The following CPEB3 variants were observed in gnomAD, a reference collection of about 807,000 sequenced individuals.
The protein encoded by CPEB3 is cytoplasmic polyadenylation element-binding protein 3.
In CPEB3, 20 loss-of-function variants were observed where a neutral mutation model predicts 67.2. The ratio of observed to expected loss-of-function variants is 0.30; its 90% CI spans 0.21 to 0.43. The LOEUF (loss-of-function observed/expected upper bound fraction) is 0.43, where lower values mean the gene tolerates loss of function less well. Ranked by LOEUF, CPEB3 falls within the 20% of genes least tolerant of loss-of-function variation. The pLI, the probability that CPEB3 is intolerant of heterozygous loss-of-function variation, is 1.00. For missense variants in CPEB3, 746 were observed against 968.6 expected (o/e 0.77, Z 3.05); for synonymous variants, 376 against 393.1 (o/e 0.96, Z 0.51).
At chr10:92,184,379 C>A (rs965609030) in intron 3 of CPEB3, among the ~76,000 whole-genome samples, 5 of 152,216 alleles carry the variant, frequency 3.3e-5, no homozygotes, top group Middle Eastern at 6.8e-3. Flanking sequence ...CCGAGGCAGT[C>A]GGATCAAGAG....
intron 1 of CPEB3, among the ~76,000 whole-genome samples, chr10:92,266,769 C>T (rs1012764266): frequency 3.3e-5 from 5 of 152,148 alleles, no homozygotes; most frequent in Non-Finnish European, 5.9e-5. Context: ...CACGGTGGCT[C>T]ACGCCTGTAA....
At chr10:92,175,798 A>G (rs1351996967) in intron 4 of CPEB3, among the ~76,000 whole-genome samples, 1 of 152,076 alleles carries the variant, frequency 6.6e-6, no homozygotes, top group Non-Finnish European at 1.5e-5. Context: ...GAAAGCACCT[A>G]TCTAAACGTG....
intron 1 of CPEB3, among the ~76,000 whole-genome samples, chr10:92,270,741 CT>C (rs112449876): frequency 6.7e-6 from 1 of 148,972 alleles, no homozygotes; most frequent in East Asian, 2.0e-4. Context: ...TTCTGGGGTG[CT>C]TTTTTTTTGT....
intron 6 of CPEB3, chr10:92,137,376 C>T (rs1312712884): frequency 2.7e-6 from 3 of 1,103,122 alleles, no homozygotes; most frequent in Non-Finnish European, 3.8e-6. Flanking sequence ...CTCCCAAATA[C>T]ATCAAGATGT....
intron 6 of CPEB3, among the ~76,000 whole-genome samples, chr10:92,121,299 C>T (rs754294876): frequency 1.9e-4 from 29 of 150,274 alleles, no homozygotes; most frequent in Non-Finnish European, 3.4e-4. Flanking sequence ...TGAGCCACCA[C>T]GCCCGGTCTA....
At chr10:92,217,241 A>ATC (rs1850470084) in intron 2 of CPEB3, among the ~76,000 whole-genome samples, 2 of 133,012 alleles carry the variant, frequency 1.5e-5, no homozygotes, top group African/African-American at 6.4e-5. Context: ...AAAATTATAT[A>ATC]TATATATACA....
At chr10:92,203,091 G>A (rs1849594209) in intron 2 of CPEB3, among the ~76,000 whole-genome samples, 1 of 151,186 alleles carries the variant, frequency 6.6e-6, no homozygotes, top group Non-Finnish European at 1.5e-5. Context: ...ACAGGCACGT[G>A]CCACAAAGCC....
intron 1 of CPEB3, among the ~76,000 whole-genome samples, chr10:92,287,711 T>C (rs989476652): frequency 6.6e-6 from 1 of 152,200 alleles, no homozygotes; most frequent in Admixed American, 6.5e-5. Context: ...CTTTTAAGTG[T>C]ACAATGGGTT....
At chr10:92,079,773 T>C (rs1459953983) in intron 9 of CPEB3, among the ~76,000 whole-genome samples, 1 of 152,210 alleles carries the variant, frequency 6.6e-6, no homozygotes, top group Admixed American at 6.5e-5. Flanking sequence ...CAAAGTTGAC[T>C]GTAGAGGATA....
rs34029695 is a variant in CPEB3 at position 92,205,470 on chromosome 10, CTTTT to C, written c.1006-12838_1006-12835del. 3.9e-3 allele frequency among the ~76,000 whole-genome samples: 357 copies of C among 90,994 alleles called. 1 individual carries two copies. Among genetic ancestry groups the C allele is most frequent in the Middle Eastern group, 9.3e-3 (1 of 108 alleles). The allele number at this position is 90,994 out of a possible 152,430, so 59.7% of individuals were successfully genotyped here. ...AGGAAACTAAATATTAAATTCAGTC[CTTTT>C]TTTTTTTTTTTTTTTTTTTTGAGAC... is the stretch of plus-strand genomic sequence containing the variant. On this transcript the variant is annotated intron_variant, in intron 2 of 9. Transcript: ENST00000265997.
intron 2 of CPEB3, among the ~76,000 whole-genome samples, chr10:92,210,426 G>T (rs527456899): frequency 6.6e-6 from 1 of 152,204 alleles, no homozygotes; most frequent in African/African-American, 2.4e-5. Flanking sequence ...TGTGAAAAAG[G>T]AAAGTGGCAA....
chr10:92,053,057 C>T (rs1265273153), intron 9 of CPEB3, among the ~76,000 whole-genome samples: 3 of 152,208 alleles, frequency 2.0e-5, no homozygotes, highest in Admixed American at 6.5e-5. Flanking sequence ...CTGAGACTAA[C>T]ACCCCAACAT....
chr10:92,216,632 C>G (rs1850414705), intron 2 of CPEB3: 1 of 1,607,926 alleles, frequency 6.2e-7, no homozygotes, highest in Non-Finnish European at 8.5e-7. Flanking sequence ...GTGTGAGGAC[C>G]GAAATCTGCC....
In CPEB3 at chr10:92,173,512, T is replaced by C. The variant is rs576900158; in HGVS notation, c.1222+7451A>G. ...TAAACAAGGTGACAAATAATAATAA[T>C]AGAGAAACTATTTTCCCAAAGACAC... On this transcript the variant is annotated intron_variant, in intron 4 of 9. Transcript: ENST00000265997. 2.6e-5 allele frequency among the ~76,000 whole-genome samples: 4 copies of C among 152,232 alleles called. No homozygotes were observed. In the South Asian group the frequency reaches 8.3e-4, roughly 32 times the overall value.
chr10:92,256,948 G>C (rs1051021558), intron 1 of CPEB3, among the ~76,000 whole-genome samples: 2 of 152,280 alleles, frequency 1.3e-5, no homozygotes, highest in African/African-American at 2.4e-5. Context: ...CTAAAACATA[G>C]AGATACTGGA....
intron 2 of CPEB3, among the ~76,000 whole-genome samples, chr10:92,220,505 G>GA (rs1850643375): frequency 8.9e-6 from 1 of 112,126 alleles, no homozygotes; most frequent in Admixed American, 1.0e-4. Context: ...ATCCCACCCA[G>GA]ATAACTTTTT....
At chr10:92,114,510 A>G (rs1405994209) in intron 6 of CPEB3, among the ~76,000 whole-genome samples, 1 of 152,256 alleles carries the variant, frequency 6.6e-6, no homozygotes, top group Non-Finnish European at 1.5e-5. Context: ...AGATTCGGGT[A>G]CAAGTCCTAA....
At chr10:92,106,814 C>CAAAAAAAAAAAAAAAAAAA (rs531195477) in intron 7 of CPEB3, among the ~76,000 whole-genome samples, 8 of 55,986 alleles carry the variant, frequency 1.4e-4, no homozygotes, top group Admixed American at 2.2e-4. Context: ...GACTCTGTCT[C>CAAAAAAAAAAAAAAAAAAA]AAAAAAAAAA....
intron 2 of CPEB3, among the ~76,000 whole-genome samples, chr10:92,219,685 G>A (rs1850601954): frequency 6.6e-6 from 1 of 152,042 alleles, no homozygotes; most frequent in South Asian, 2.1e-4. Context: ...TAGCTACTCT[G>A]GAATAACATT....
Sources: allele counts gnomAD v4.1 joint callset (sites outside exome capture counted in the v4.1 genomes callset), GRCh38; gene constraint gnomAD v4.1.1; transcripts MANE v1.5; gene names NCBI Gene and HGNC (gene_info 2026-07-23, HGNC 2026-07-21).